The following VPS54 variants were observed in gnomAD, a reference collection of about 807,000 sequenced individuals.
VPS54 encodes VPS54 subunit of GARP complex.
A neutral mutation model predicts 121.5 loss-of-function variants in VPS54; 45 were observed. The observed-to-expected ratio is 0.37, with a 90% CI of 0.29 to 0.47. The LOEUF is 0.47. VPS54 is among the 20% of genes least tolerant of loss of function. The probability of loss-of-function intolerance (pLI) is 0.99; values close to 1 mark genes in which losing one functional copy is unlikely to be tolerated. For synonymous variants in VPS54, 371 were observed against 385.8 expected (o/e 0.96, Z 0.45); for missense variants, 1,090 against 1,131.4 (o/e 0.96, Z 0.52).
intron 21 of VPS54, among the ~76,000 whole-genome samples, chr2:63,898,570 C>T (rs1401259193): frequency 6.6e-6 from 1 of 152,102 alleles, no homozygotes; most frequent in Non-Finnish European, 1.5e-5. Flanking sequence ...CAACAGTAGG[C>T]AAGAGACACT....
chr2:64,011,100 A>G (rs1036076150), intron 1 of VPS54, among the ~76,000 whole-genome samples: 1 of 152,246 alleles, frequency 6.6e-6, no homozygotes, highest in Non-Finnish European at 1.5e-5. Flanking sequence ...AAATTTAAAT[A>G]TTTTTAAATG....
intron 1 of VPS54, among the ~76,000 whole-genome samples, chr2:63,995,919 C>T (rs1028977662): frequency 4.6e-5 from 7 of 152,178 alleles, no homozygotes; most frequent in Non-Finnish European, 5.9e-5. Context: ...GGAGCTGAGG[C>T]GTTAGATCAG....
chr2:63,912,221 A>G (rs1422776525), intron 20 of VPS54, 124 bp downstream of exon 20: 6 of 984,388 alleles, frequency 6.1e-6, no homozygotes, highest in African/African-American at 1.7e-5. Flanking sequence ...AAATTCTACT[A>G]ATTGGTAAAT....
chr2:63,957,301 G>C (rs1485278924), intron 7 of VPS54, among the ~76,000 whole-genome samples: 1 of 151,810 alleles, frequency 6.6e-6, no homozygotes, highest in Non-Finnish European at 1.5e-5. Context: ...AATTAGCCAG[G>C]TGTGGTGGCG....
chr2:63,967,538 G>A (rs1188593480), intron 5 of VPS54, among the ~76,000 whole-genome samples: 2 of 151,672 alleles, frequency 1.3e-5, no homozygotes, highest in Non-Finnish European at 1.5e-5. Context: ...GGCCAACGTG[G>A]CAAAACCCCG....
chr2:63,959,885 G>T (rs1675674267), intron 7 of VPS54, among the ~76,000 whole-genome samples: 1 of 152,110 alleles, frequency 6.6e-6, no homozygotes, highest in Non-Finnish European at 1.5e-5. Flanking sequence ...GCTGGGCACA[G>T]TGGCGGGCAC....
At chr2:63,965,615 C>A (rs1004754366) in intron 6 of VPS54, among the ~76,000 whole-genome samples, 1 of 152,184 alleles carries the variant, frequency 6.6e-6, no homozygotes, top group South Asian at 2.1e-4. Flanking sequence ...GTAAGAAGCA[C>A]TCAAATAGTA....
intron 1 of VPS54, among the ~76,000 whole-genome samples, chr2:63,989,876 C>G (rs1259010410): frequency 6.6e-6 from 1 of 152,176 alleles, no homozygotes; most frequent in African/African-American, 2.4e-5. Flanking sequence ...CCTGTTAAAA[C>G]AGGGAAGGGT....
intron 7 of VPS54, among the ~76,000 whole-genome samples, chr2:63,957,149 T>C (rs1675530698): frequency 6.6e-6 from 1 of 152,060 alleles, no homozygotes; most frequent in African/African-American, 2.4e-5. Context: ...TGGTTAAAAA[T>C]ATTTATATCC....
intron 15 of VPS54, among the ~76,000 whole-genome samples, chr2:63,918,591 T>A (rs1486083113): frequency 6.6e-6 from 1 of 152,024 alleles, no homozygotes; most frequent in Non-Finnish European, 1.5e-5. Flanking sequence ...TATTAAAAAC[T>A]GTCATATGAC....
chr2:63,971,085 C>T (rs1676263850), intron 4 of VPS54, among the ~76,000 whole-genome samples: 1 of 152,130 alleles, frequency 6.6e-6, no homozygotes, highest in Admixed American at 6.5e-5. Context: ...CCCAGTTGTC[C>T]AAGCAAGAAA....
intron 11 of VPS54, among the ~76,000 whole-genome samples, chr2:63,935,374 C>A (rs1320726177): frequency 6.6e-6 from 1 of 151,844 alleles, no homozygotes; most frequent in African/African-American, 2.4e-5. Flanking sequence ...CATTTTTTTT[C>A]TTTCTTCATT....
chr2:63,919,775 G>T, intron 15 of VPS54, 108 bp downstream of exon 15: 1 of 662,524 alleles, frequency 1.5e-6, no homozygotes, highest in Non-Finnish European at 2.4e-6. Flanking sequence ...TGGAAATATT[G>T]GTTCTAGCTT....
At chr2:63,917,016 A>T in intron 15 of VPS54, 53 bp from the exon 16 acceptor site, 1 of 1,582,006 alleles carries the variant, frequency 6.3e-7, no homozygotes, top group Non-Finnish European at 8.7e-7. Flanking sequence ...GAAACAAAAT[A>T]GAGAAAAAGC....
intron 3 of VPS54, among the ~76,000 whole-genome samples, chr2:63,975,759 A>C (rs917257288): frequency 2.6e-5 from 4 of 152,200 alleles, no homozygotes; most frequent in African/African-American, 9.7e-5. Flanking sequence ...ACAAAACTCT[A>C]GTCTCCCACA....
At chr2:63,957,441 C>CAAAAAAAAAAAAAAA (rs10551633) in intron 7 of VPS54, among the ~76,000 whole-genome samples, 2 of 90,118 alleles carry the variant, frequency 2.2e-5, no homozygotes, top group Non-Finnish European at 4.5e-5. Context: ...GACTCCATCT[C>CAAAAAAAAAAAAAAA]AAAAAAAAAA....
chr2:63,957,286 C>CA (rs774013483), intron 7 of VPS54, among the ~76,000 whole-genome samples: 2 of 151,552 alleles, frequency 1.3e-5, no homozygotes, highest in African/African-American at 2.4e-5. Context: ...ACTAAAAATA[C>CA]AAAAAATTAG....
chr2:63,917,772 G>A lies in VPS54; in HGVS notation c.2165-809C>T, dbSNP rs557863062. 9.9e-5 allele frequency among the ~76,000 whole-genome samples: 15 copies of A among 152,070 alleles called. No individual in the cohort carries two copies. The South Asian group carries it at 1.0e-3, about 11-fold the overall frequency. Reference sequence around the variant, plus strand: ...TATTACAGAGAAGTGGCATAGCATCGTAGAAAAGAGAAATGGCCCTAAAGT... The same window carrying A: ...TATTACAGAGAAGTGGCATAGCATCATAGAAAAGAGAAATGGCCCTAAAGT... On this transcript the variant is annotated intron_variant, in intron 15 of 22. Transcript: ENST00000272322.
chr2:63,907,772 T>A (rs1672967816), intron 20 of VPS54, among the ~76,000 whole-genome samples: 1 of 152,124 alleles, frequency 6.6e-6, no homozygotes, highest in African/African-American at 2.4e-5. Context: ...GCAAGAAATC[T>A]GAGCAGACAC....
Sources: gnomAD v4.1 joint callset for allele counts (sites outside exome capture counted in the v4.1 genomes callset) on GRCh38, gnomAD v4.1.1 for gene constraint, MANE v1.5 for transcripts, NCBI Gene and HGNC (gene_info 2026-07-23, HGNC 2026-07-21) for gene names.